MARK1: variants seen among roughly 807,000 people sequenced by gnomAD.
MARK1 encodes serine/threonine-protein kinase MARK1.
Under a neutral mutation model 96.3 loss-of-function variants are expected in MARK1, and 40 were observed. The observed-to-expected ratio is 0.42, with a 90% CI of 0.32 to 0.54. MARK1 has a LOEUF of 0.54. Among genes scored for constraint, MARK1 ranks in the 20% least tolerant of loss-of-function variants. The probability of loss-of-function intolerance (pLI) is 0.16; values close to 1 mark genes in which losing one functional copy is unlikely to be tolerated. For synonymous variants in MARK1, 317 were observed against 341.2 expected (o/e 0.93, Z 0.78); for missense variants, 719 against 984.6 (o/e 0.73, Z 3.61).
At chr1:220,652,998 G>T in intron 15 of MARK1, 103 bp from the exon 16 acceptor site, 1 of 1,324,206 alleles carries the variant, frequency 7.6e-7, no homozygotes, top group East Asian at 2.3e-5. Flanking sequence ...AAATAAAGTA[G>T]GGCCAAAAGA....
intron 1 of MARK1, among the ~76,000 whole-genome samples, chr1:220,577,647 T>G (rs1663959134): frequency 6.6e-6 from 1 of 152,212 alleles, no homozygotes; most frequent in Non-Finnish European, 1.5e-5. Context: ...ATTCTGATGG[T>G]GCTGGACCAG....
chr1:220,650,579 A>G (rs1237747692), intron 13 of MARK1, 41 bp from the exon 14 acceptor site: 3 of 1,288,786 alleles, frequency 2.3e-6, no homozygotes, highest in Non-Finnish European at 3.3e-6. Flanking sequence ...TTCCACAAAT[A>G]TATTTATAAT....
In MARK1 at chr1:220,635,970, A is replaced by T; in HGVS notation, c.1414A>T (p.Met472Leu). 6.2e-7 allele frequency: 1 copy of T among 1,614,092 alleles called. No homozygotes were observed. The highest frequency in any genetic ancestry group is 8.5e-7 in the Non-Finnish European group (1 of 1,180,002). ...CACAACAGTTGGATCAAAAAGCGAG[A>T]TGACTGCAAGCCCTCTTGTAGGGCC... ...GSTTVGSKSE[M>L]TASPLVGPER... Residue 472 changes from methionine (M) to leucine (L), a missense_variant, in exon 13 of 18, where the codon ATG becomes TTG. Met to Leu is a conservative substitution (Grantham distance 15). This residue lies in a region of MARK1 where 501 missense variants were observed against 588.3 expected (regional missense o/e 0.85). Transcript: ENST00000366917.
At chr1:220,600,892 C>CTTTTTTTTTTTTTT (rs11417176) in intron 5 of MARK1, among the ~76,000 whole-genome samples, 1 of 144,258 alleles carries the variant, frequency 6.9e-6, no homozygotes, top group Non-Finnish European at 1.5e-5. Flanking sequence ...TTTTCTTTTT[C>CTTTTTTTTTTTTTT]TTTTTTTTTT....
intron 3 of MARK1, among the ~76,000 whole-genome samples, chr1:220,585,981 G>A (rs1188908207): frequency 1.1e-5 from 1 of 91,754 alleles, no homozygotes; most frequent in African/African-American, 4.2e-5. Context: ...CTTTACATAC[G>A]TATACACACA....
At position 220,662,773 on chromosome 1, in the gene MARK1, AC is replaced by A. The variant is rs1669546003; in HGVS notation, c.*608del. 6.5e-6 allele frequency: 1 copy of A among 152,734 alleles called. No individual in the cohort carries two copies. Among genetic ancestry groups the A allele is most frequent in the Non-Finnish European group, 1.5e-5 (1 of 68,090 alleles). 9.5% of individuals were successfully genotyped at this position (152,734 alleles called of 1,614,324 possible). The stretch of plus-strand genomic sequence containing the variant: ...TCCCGCAAGGTTTAGTTGAGAAGAT[AC>A]AAAATGTTTACAGTGTTGGCACTTA... On this transcript the variant is annotated 3_prime_UTR_variant, in exon 18 of 18. Coordinates refer to ENST00000366917, the MANE Select transcript of MARK1 (RefSeq NM_018650.5).
chr1:220,584,128 G>A (rs1167727918), intron 3 of MARK1, among the ~76,000 whole-genome samples: 3 of 152,268 alleles, frequency 2.0e-5, no homozygotes, highest in East Asian at 1.9e-4. Flanking sequence ...GACAAAGTTT[G>A]TGTCAGTCTG....
chr1:220,575,694 A>G (rs1479813927), intron 1 of MARK1, among the ~76,000 whole-genome samples: 1 of 151,978 alleles, frequency 6.6e-6, no homozygotes, highest in African/African-American at 2.4e-5. Flanking sequence ...CTGATTTTTT[A>G]TTTAAGACAT....
chr1:220,598,833 G>A (rs1003771265), intron 4 of MARK1, among the ~76,000 whole-genome samples: 1 of 151,950 alleles, frequency 6.6e-6, no homozygotes, highest in Non-Finnish European at 1.5e-5. Flanking sequence ...ACAAAAATTA[G>A]CCAGGAGTGA....
At chr1:220,637,552 A>T (rs1420995847) in intron 13 of MARK1, among the ~76,000 whole-genome samples, 1 of 151,872 alleles carries the variant, frequency 6.6e-6, no homozygotes, top group African/African-American at 2.4e-5. Context: ...GGTGGTGCAC[A>T]CCTGTAATCC....
At chr1:220,554,645 T>TA (rs1162121764) in intron 1 of MARK1, among the ~76,000 whole-genome samples, 1 of 152,112 alleles carries the variant, frequency 6.6e-6, no homozygotes, top group Non-Finnish European at 1.5e-5. Flanking sequence ...CAGTTATAAA[T>TA]AAAAAAGCAT....
intron 1 of MARK1, among the ~76,000 whole-genome samples, chr1:220,548,200 G>A (rs1661628184): frequency 6.6e-6 from 1 of 152,168 alleles, no homozygotes; most frequent in South Asian, 2.1e-4. Flanking sequence ...TTAAATTCTG[G>A]TCATTTTTTG....
At position 220,635,372 on chromosome 1, in the gene MARK1, A is replaced by C; in HGVS notation, c.1123-4A>C. On this transcript the variant is annotated splice_region_variant and splice_polypyrimidine_tract_variant and intron_variant, in intron 11 of 17. Coordinates refer to ENST00000366917, the MANE Select transcript of MARK1 (RefSeq NM_018650.5). ...TAAAATCCCTGTGGTTTTTCTTCTT[A>C]TAGTTTGAAGGTGGTGAATCGTTAT... 1 of 1,282,328 alleles carries C rather than the reference A, an allele frequency of 7.8e-7. No individual in the cohort carries two copies. The highest frequency in any genetic ancestry group is 1.0e-6 in the Non-Finnish European group (1 of 994,092). The allele number at this position is 1,282,328 out of a possible 1,614,324, so 79.4% of individuals were successfully genotyped here.
At chr1:220,556,485 C>CAG (rs1326514729) in intron 1 of MARK1, among the ~76,000 whole-genome samples, 2,687 of 85,782 alleles carry the variant, frequency 0.031, 111 homozygotes, top group African/African-American at 0.12. Flanking sequence ...GGGACTGTCA[C>CAG]AAAAAAAAAA....
At chr1:220,636,133 G>C in intron 13 of MARK1, 107 bp downstream of exon 13, 1 of 765,570 alleles carries the variant, frequency 1.3e-6, no homozygotes, top group Middle Eastern at 3.3e-4. Context: ...AATTTAAAGG[G>C]AATTATAATT....
chr1:220,601,862 G>A (rs889278050), intron 5 of MARK1, among the ~76,000 whole-genome samples: 1 of 152,180 alleles, frequency 6.6e-6, no homozygotes, highest in Admixed American at 6.5e-5. Flanking sequence ...ACAGTGGGGA[G>A]TAGTGTAGAG....
intron 1 of MARK1, among the ~76,000 whole-genome samples, chr1:220,537,586 C>G (rs1356297797): frequency 7.1e-6 from 1 of 140,966 alleles, no homozygotes. Flanking sequence ...ATTTATAGTC[C>G]TTTGGGTATA....
At chr1:220,584,242 A>G (rs903557234) in intron 3 of MARK1, among the ~76,000 whole-genome samples, 2 of 152,120 alleles carry the variant, frequency 1.3e-5, no homozygotes, top group Non-Finnish European at 2.9e-5. Flanking sequence ...ACTGTGTTAT[A>G]TTATGTTGCA....
At chr1:220,626,105 TTAA>T in intron 9 of MARK1, 1 of 615,042 alleles carries the variant, frequency 1.6e-6, no homozygotes, top group Non-Finnish European at 3.1e-6. Flanking sequence ...GCTGTGAAAC[TTAA>T]TAAGCAGCAG....
Sources: gnomAD v4.1 joint callset for allele counts (sites outside exome capture counted in the v4.1 genomes callset) on GRCh38, gnomAD v4.1.1 for gene constraint, gnomAD v4.1.1 regional missense constraint, MANE v1.5 for transcripts, NCBI Gene and HGNC (gene_info 2026-07-23, HGNC 2026-07-21) for gene names.